Variants in ZNF480 observed in about 807,000 individuals in gnomAD.
The protein encoded by ZNF480 is zinc finger protein 480.
ZNF480 carries 15 observed loss-of-function variants against 14.4 expected under a neutral mutation model. That is an observed-to-expected ratio of 1.04 (90% CI 0.70 to 1.60). The LOEUF (loss-of-function observed/expected upper bound fraction) is 1.60. Ranked by LOEUF, ZNF480 falls within the 40% of genes most tolerant of loss-of-function variation. The pLI is 0.00. For synonymous variants in ZNF480, 218 were observed against 215.5 expected (o/e 1.01, Z -0.10); for missense variants, 593 against 629.7 (o/e 0.94, Z 0.62).
At chr19:52,319,363 A>G (rs1983698640) in intron 4 of ZNF480, among the ~76,000 whole-genome samples, 1 of 152,162 alleles carries the variant, frequency 6.6e-6, no homozygotes, top group South Asian at 2.1e-4. Context: ...TTTGCTAAAT[A>G]TAGTATTCTT....
chr19:52,323,056 C>A lies in ZNF480; in HGVS notation c.*198C>A. On this transcript the variant is annotated 3_prime_UTR_variant, in exon 5 of 5. Transcript: ENST00000595962. ...AATTATAATAAATGTGTGGAAAAGT[C>A]TTCAAAAAAATTTCACACCTTGCAA... 1 of 454,746 alleles carries A rather than the reference C, an allele frequency of 2.2e-6. No individual in the cohort carries two copies. Among genetic ancestry groups the A allele is most frequent in the Non-Finnish European group, 3.7e-6 (1 of 269,942 alleles). The allele number at this position is 454,746 out of a possible 1,614,324, so 28.2% of individuals were successfully genotyped here.
intron 3 of ZNF480, among the ~76,000 whole-genome samples, chr19:52,315,572 C>T (rs976472091): frequency 5.0e-4 from 76 of 151,994 alleles, no homozygotes; most frequent in African/African-American, 1.6e-3. Context: ...CCACCCGTCT[C>T]GGCCTCCCAA....
chr19:52,313,023 G>A (rs1983363724), intron 2 of ZNF480, among the ~76,000 whole-genome samples: 2 of 151,936 alleles, frequency 1.3e-5, no homozygotes, highest in Non-Finnish European at 2.9e-5. Flanking sequence ...GTTTCACCAT[G>A]TTGGCCAGGA....
Position 52,324,884 on chromosome 19 carries a change from T to C in ZNF480, c.*2026T>C, listed in dbSNP as rs1022028332. 1 of 152,176 alleles carries C rather than the reference T, an allele frequency of 6.6e-6. No individual in the cohort carries two copies. Among genetic ancestry groups the C allele is most frequent in the Non-Finnish European group, 1.5e-5 (1 of 68,008 alleles). 9.4% of individuals were successfully genotyped at this position (152,176 alleles called of 1,614,324 possible). A position where few individuals can be genotyped will look rare whatever the true frequency, so the allele number is the denominator to read the frequency against. ...GACATAAGTGCTGGAAAAGACTTAA[T>C]GATGAACACCCCAAAGCAATTGCAA... On this transcript the variant is annotated 3_prime_UTR_variant, in exon 5 of 5. Coordinates refer to ENST00000595962, the MANE Select transcript of ZNF480 (RefSeq NM_144684.4).
intron 2 of ZNF480, chr19:52,300,749 G>T: frequency 1.9e-6 from 1 of 538,202 alleles, no homozygotes; most frequent in Non-Finnish European, 3.3e-6. Flanking sequence ...CTGCGAACAG[G>T]GTTTGACCCA....
chr19:52,309,359 T>C (rs1053109795), intron 2 of ZNF480, among the ~76,000 whole-genome samples: 1 of 151,978 alleles, frequency 6.6e-6, no homozygotes, highest in Non-Finnish European at 1.5e-5. Context: ...TGCTGAGGAG[T>C]GTCCCTTTCT....
At chr19:52,319,911 A>T (rs1292531401) in intron 4 of ZNF480, among the ~76,000 whole-genome samples, 1 of 145,866 alleles carries the variant, frequency 6.9e-6, no homozygotes, top group Non-Finnish European at 1.5e-5. Context: ...TCTGCCTCCC[A>T]GGTTCAAGCG....
chr19:52,325,311 A>G lies in ZNF480; in HGVS notation c.*2453A>G, dbSNP rs552522669. The G allele has an allele frequency of 2.0e-5, 3 of 150,856 alleles. No homozygotes were observed. The highest frequency in any genetic ancestry group is 7.3e-5 in the African/African-American group (3 of 41,060). The allele number at this position is 150,856 out of a possible 1,614,324, so 9.3% of individuals were successfully genotyped here. ...AGGCTGCAGAGAAAAGCAAATACTT[A>G]TACACTGCTGGTGGGAATGTAAATT... On this transcript the variant is annotated 3_prime_UTR_variant, in exon 5 of 5. Transcript: ENST00000595962.
At chr19:52,302,652 G>A (rs1442568661) in intron 2 of ZNF480, among the ~76,000 whole-genome samples, 3 of 152,194 alleles carry the variant, frequency 2.0e-5, no homozygotes, top group Non-Finnish European at 4.4e-5. Flanking sequence ...ATGCACATAA[G>A]CCAGTTTACC....
chr19:52,305,862 T>TCATCA (rs1294765005), intron 2 of ZNF480, among the ~76,000 whole-genome samples: 5 of 152,204 alleles, frequency 3.3e-5, no homozygotes, highest in Non-Finnish European at 5.9e-5. Flanking sequence ...TCATCAAACT[T>TCATCA]AGAGTGACAC....
chr19:52,308,756 G>A (rs1394491123), intron 2 of ZNF480: 3 of 151,986 alleles, frequency 2.0e-5, no homozygotes, highest in Non-Finnish European at 4.4e-5. Flanking sequence ...TGCACCAGCT[G>A]TGTTAAGCAA....
At chr19:52,314,128 T>C (rs1478425546) in intron 2 of ZNF480, 25 bp from the exon 3 acceptor site, 26 of 1,544,636 alleles carry the variant, frequency 1.7e-5, no homozygotes, top group Non-Finnish European at 2.3e-5. Context: ...CATATCCTGT[T>C]GGTGAAATGT....
At chr19:52,299,097 A>T (rs951506539) in intron 1 of ZNF480, among the ~76,000 whole-genome samples, 4 of 152,280 alleles carry the variant, frequency 2.6e-5, no homozygotes, top group African/African-American at 7.2e-5. Context: ...TTTAGCTTCC[A>T]CTCACATTCC....
intron 2 of ZNF480, among the ~76,000 whole-genome samples, chr19:52,309,809 G>A (rs1247329769): frequency 1.3e-5 from 2 of 152,014 alleles, no homozygotes; most frequent in Non-Finnish European, 2.9e-5. Flanking sequence ...TTTAATTTGT[G>A]TCCACATGGA....
intron 2 of ZNF480, among the ~76,000 whole-genome samples, chr19:52,309,279 C>T (rs571784786): frequency 9.9e-5 from 15 of 152,270 alleles, no homozygotes; most frequent in East Asian, 1.9e-4. Context: ...GGAGGTCCCT[C>T]GCCTTGTCTG....
intron 1 of ZNF480, 40 bp from the exon 2 acceptor site, chr19:52,300,354 G>A (rs1453561690): frequency 6.2e-7 from 1 of 1,601,756 alleles, no homozygotes. Flanking sequence ...AAAAGGGTGT[G>A]TTGATTCTAA....
At chr19:52,300,054 C>T (rs868868486) in intron 1 of ZNF480, among the ~76,000 whole-genome samples, 8 of 152,302 alleles carry the variant, frequency 5.3e-5, no homozygotes, top group Middle Eastern at 3.4e-3. Flanking sequence ...TGAGGGATTA[C>T]ATGAGCCTGG....
intron 3 of ZNF480, among the ~76,000 whole-genome samples, chr19:52,315,214 G>T (rs1199040840): frequency 6.6e-6 from 1 of 152,128 alleles, no homozygotes; most frequent in African/African-American, 2.4e-5. Flanking sequence ...CTCCCGAAGT[G>T]CTGGGATTAC....
At chr19:52,307,983 A>G (rs1308988333) in intron 2 of ZNF480, among the ~76,000 whole-genome samples, 4 of 152,216 alleles carry the variant, frequency 2.6e-5, no homozygotes, top group Non-Finnish European at 4.4e-5. Context: ...TGACAGGCTT[A>G]GGGCCTGTTG....
Sources: allele counts gnomAD v4.1 joint callset (sites outside exome capture counted in the v4.1 genomes callset), GRCh38; gene constraint gnomAD v4.1.1; transcripts MANE v1.5; gene names NCBI Gene and HGNC (gene_info 2026-07-23, HGNC 2026-07-21).